ARHGAP42: variants seen among roughly 807,000 people sequenced by gnomAD.
ARHGAP42 encodes rho GTPase-activating protein 42.
Under a neutral mutation model 125.0 loss-of-function variants are expected in ARHGAP42, and 63 were observed. That is an observed-to-expected ratio of 0.50 (90% CI 0.41 to 0.62). The LOEUF is 0.62. Ranked by LOEUF, ARHGAP42 falls within the 20% of genes least tolerant of loss-of-function variation. ARHGAP42 has a pLI of 0.00. For missense variants in ARHGAP42, 766 were observed against 1,024.2 expected (o/e 0.75, Z 3.44); for synonymous variants, 339 against 351.0 (o/e 0.97, Z 0.38).
At chr11:100,796,754 A>G (rs542561628) in intron 3 of ARHGAP42, among the ~76,000 whole-genome samples, 1 of 146,938 alleles carries the variant, frequency 6.8e-6, no homozygotes, top group African/African-American at 2.5e-5. Flanking sequence ...ACAAGTCCCT[A>G]ACTCTTTTTA....
intron 1 of ARHGAP42, among the ~76,000 whole-genome samples, chr11:100,693,559 A>G (rs1861227777): frequency 6.6e-6 from 1 of 152,172 alleles, no homozygotes; most frequent in African/African-American, 2.4e-5. Flanking sequence ...CATGAGCTTA[A>G]TAGGTGCCCT....
chr11:100,713,863 G>T (rs1165426277), intron 1 of ARHGAP42, among the ~76,000 whole-genome samples: 1 of 151,942 alleles, frequency 6.6e-6, no homozygotes, highest in Non-Finnish European at 1.5e-5. Context: ...GTTGCATTTT[G>T]TTTACTTTGG....
At chr11:100,939,711 T>C (rs1320974792) in intron 8 of ARHGAP42, among the ~76,000 whole-genome samples, 2 of 152,178 alleles carry the variant, frequency 1.3e-5, no homozygotes, top group Non-Finnish European at 2.9e-5. Context: ...CTATTTTTAT[T>C]TTCCCAGACA....
chr11:100,754,127 G>C (rs1439876225), intron 1 of ARHGAP42, among the ~76,000 whole-genome samples: 1 of 151,960 alleles, frequency 6.6e-6, no homozygotes, highest in African/African-American at 2.4e-5. Context: ...TGATAAAATG[G>C]GTTTAAATTA....
At chr11:100,695,502 A>G (rs905544877) in intron 1 of ARHGAP42, among the ~76,000 whole-genome samples, 1 of 152,050 alleles carries the variant, frequency 6.6e-6, no homozygotes, top group African/African-American at 2.4e-5. Context: ...ATGGGGTTTC[A>G]CCATGTTGGT....
Position 100,908,063 on chromosome 11 carries a change from T to C in ARHGAP42, c.385-5389T>C, listed in dbSNP as rs567883932. Among the ~76,000 whole-genome samples, 5 of 152,342 alleles carry C rather than the reference T, an allele frequency of 3.3e-5. No individual in the cohort carries two copies. The South Asian group carries it at 6.2e-4, about 19-fold the overall frequency. Reference sequence around the variant, plus strand: ...AAATATCATGAATCAATATTAATGATAGGTTCTTTTACTACAAAGAAATGT... The same window carrying C: ...AAATATCATGAATCAATATTAATGACAGGTTCTTTTACTACAAAGAAATGT... On this transcript the variant is annotated intron_variant, in intron 4 of 23. Coordinates refer to ENST00000298815, the MANE Select transcript of ARHGAP42 (RefSeq NM_152432.4).
intron 1 of ARHGAP42, among the ~76,000 whole-genome samples, chr11:100,715,961 C>T (rs1861653259): frequency 6.6e-6 from 1 of 152,162 alleles, no homozygotes; most frequent in Non-Finnish European, 1.5e-5. Context: ...GAGATATCTA[C>T]TGATGGGATT....
intron 1 of ARHGAP42, among the ~76,000 whole-genome samples, chr11:100,762,186 A>G (rs933007548): frequency 2.0e-5 from 3 of 152,150 alleles, no homozygotes; most frequent in African/African-American, 7.2e-5. Context: ...GCAGACTCTG[A>G]ATATACTTCT....
chr11:100,900,218 A>G (rs1037510992), intron 4 of ARHGAP42, among the ~76,000 whole-genome samples: 3 of 152,170 alleles, frequency 2.0e-5, no homozygotes, highest in African/African-American at 7.2e-5. Context: ...TTTCTTTAAG[A>G]ATGTTGAGTA....
intron 16 of ARHGAP42, 100 bp from the exon 17 acceptor site, chr11:100,965,571 T>G (rs1358402461): frequency 5.2e-6 from 5 of 963,238 alleles, no homozygotes; most frequent in Non-Finnish European, 3.2e-6. Context: ...CTATGAGGCA[T>G]GAGGGGTAGG....
rs185321618 is a variant in ARHGAP42 at position 100,887,441 on chromosome 11, A to G, written c.385-26011A>G. On this transcript the variant is annotated intron_variant, in intron 4 of 23. Coordinates refer to ENST00000298815, the MANE Select transcript of ARHGAP42 (RefSeq NM_152432.4). ...TTTGCAGATCCCTCTCATAACCCTT[A>G]TCTAAACTACTTGAATCAAATACTT... 1.7e-3 allele frequency among the ~76,000 whole-genome samples: 266 copies of G among 152,298 alleles called. 2 individuals are homozygous for G. Among genetic ancestry groups the G allele is most frequent in the Middle Eastern group, 0.014 (4 of 294 alleles).
intron 3 of ARHGAP42, among the ~76,000 whole-genome samples, chr11:100,810,693 T>C (rs900086480): frequency 6.6e-6 from 1 of 152,204 alleles, no homozygotes; most frequent in African/African-American, 2.4e-5. Flanking sequence ...ACATTTTACC[T>C]ACAGAATTAT....
chr11:100,896,112 G>A (rs943736332), intron 4 of ARHGAP42, among the ~76,000 whole-genome samples: 1 of 152,108 alleles, frequency 6.6e-6, no homozygotes, highest in Non-Finnish European at 1.5e-5. Context: ...CTGTCCTTGT[G>A]ATAGTTTGCT....
intron 22 of ARHGAP42, among the ~76,000 whole-genome samples, chr11:100,986,777 G>A (rs1858688427): frequency 6.6e-6 from 1 of 151,736 alleles, no homozygotes. Flanking sequence ...CTCAGATTTT[G>A]CCTTTTTAGT....
intron 4 of ARHGAP42, among the ~76,000 whole-genome samples, chr11:100,888,812 G>A (rs1866155084): frequency 6.6e-6 from 1 of 152,166 alleles, no homozygotes; most frequent in Admixed American, 6.5e-5. Flanking sequence ...GTGGTGATGG[G>A]CACAGTGGCA....
In ARHGAP42 at chr11:100,992,660, C is replaced by T. The variant is rs751375719; in HGVS notation, c.*3859C>T. ...CCTGCTTCAAAATGTGCCAGTTCCA[C>T]TTGGTAATAACGTTGGGAAAATGCA... On this transcript the variant is annotated 3_prime_UTR_variant, in exon 24 of 24. Coordinates refer to ENST00000298815, the MANE Select transcript of ARHGAP42 (RefSeq NM_152432.4). 6.2e-6 allele frequency: 10 copies of T among 1,609,428 alleles called. 1 individual carries two copies. Among genetic ancestry groups the T allele is most frequent in the South Asian group, 3.3e-5 (3 of 90,070 alleles).
At chr11:100,909,712 G>A (rs1186493873) in intron 4 of ARHGAP42, among the ~76,000 whole-genome samples, 1 of 152,132 alleles carries the variant, frequency 6.6e-6, no homozygotes, top group Non-Finnish European at 1.5e-5. Flanking sequence ...TATGGTGAGA[G>A]AAAAGATTGG....
At chr11:100,929,661 A>C (rs892393617) in intron 6 of ARHGAP42, among the ~76,000 whole-genome samples, 4 of 152,000 alleles carry the variant, frequency 2.6e-5, no homozygotes, top group Non-Finnish European at 5.9e-5. Flanking sequence ...TCTGATGACT[A>C]ATAAGAATCT....
intron 5 of ARHGAP42, among the ~76,000 whole-genome samples, chr11:100,919,667 G>A (rs1343703577): frequency 6.6e-6 from 1 of 152,120 alleles, no homozygotes; most frequent in East Asian, 1.9e-4. Context: ...CTCTCAAAGT[G>A]CTGGGATTAC....
Sources: gnomAD v4.1 joint callset for allele counts (sites outside exome capture counted in the v4.1 genomes callset) on GRCh38, gnomAD v4.1.1 for gene constraint, MANE v1.5 for transcripts, NCBI Gene and HGNC (gene_info 2026-07-23, HGNC 2026-07-21) for gene names.